NFATC2: variants seen among roughly 807,000 people sequenced by gnomAD.
The protein encoded by NFATC2 is nuclear factor of activated T cells 2.
In NFATC2, 22 loss-of-function variants were observed where a neutral mutation model predicts 87.3. The observed-to-expected ratio is 0.25, with a 90% CI of 0.18 to 0.36. The LOEUF (loss-of-function observed/expected upper bound fraction) is 0.36. Among genes scored for constraint, NFATC2 ranks in the 10% least tolerant of loss-of-function variants. The pLI is 1.00. For missense variants in NFATC2, 1,149 were observed against 1,259.1 expected (o/e 0.91, Z 1.32); for synonymous variants, 565 against 542.2 (o/e 1.04, Z -0.58).
At chr20:51,501,225 A>G (rs1249599552) in intron 3 of NFATC2, among the ~76,000 whole-genome samples, 5 of 152,126 alleles carry the variant, frequency 3.3e-5, no homozygotes, top group African/African-American at 9.7e-5. Context: ...AAACCTGCAA[A>G]TGTGAATGGC....
intron 1 of NFATC2, among the ~76,000 whole-genome samples, chr20:51,529,168 G>A (rs1033496637): frequency 2.6e-5 from 4 of 152,092 alleles, no homozygotes; most frequent in Non-Finnish European, 4.4e-5. Flanking sequence ...AATTCCGGCC[G>A]TATCAGAAGA....
chr20:51,455,554 A>G (rs1986312444), intron 5 of NFATC2, among the ~76,000 whole-genome samples: 1 of 149,780 alleles, frequency 6.7e-6, no homozygotes, highest in Non-Finnish European at 1.5e-5. Flanking sequence ...AGAGCTTTTC[A>G]CTTTCAGATA....
intron 9 of NFATC2, among the ~76,000 whole-genome samples, chr20:51,407,364 G>A (rs558596842): frequency 3.4e-4 from 52 of 152,300 alleles, no homozygotes; most frequent in African/African-American, 1.1e-3. Context: ...TAGGAGGGCC[G>A]GGACTTTGAG....
At chr20:51,547,441 T>C (rs1350891937), upstream of NFATC2, among the ~76,000 whole-genome samples, 2 of 152,120 alleles carry the variant, frequency 1.3e-5, no homozygotes, top group Non-Finnish European at 2.9e-5. Context: ...AAGCTCCTCC[T>C]ACCACCCAAG....
intron 1 of NFATC2, among the ~76,000 whole-genome samples, chr20:51,536,257 C>G (rs1241093838): frequency 6.6e-6 from 1 of 152,188 alleles, no homozygotes; most frequent in Non-Finnish European, 1.5e-5. Context: ...TCAGACAAAG[C>G]TAGAGACAGC....
At position 51,523,828 on chromosome 20, in the gene NFATC2, T is replaced by C; in HGVS notation, c.413A>G (p.Glu138Gly). The change falls in exon 2 of 11, where the codon GAG becomes GGG. Residue 138 changes from glutamate to glycine, a missense_variant. Around this residue, in one of 3 missense-constraint regions of NFATC2, gnomAD observed 563 missense variants for 585.2 expected, o/e 0.96. Coordinates refer to ENST00000371564, the MANE Select transcript of NFATC2 (RefSeq NM_012340.5). The surrounding 1 kb of genome is among the most constrained non-coding windows in gnomAD (Gnocchi z 6.9). ...LRMRDAGLLVEQPPLAGVAAS... is the reference protein window; with the variant it reads ...LRMRDAGLLVGQPPLAGVAAS... ...GGCCACCCCGGCCAGGGGCGGCTGC[T>C]CCACCAGGAGGCCCGCGTCTCTCAT... The C allele has an allele frequency of 6.2e-7, 1 of 1,610,328 alleles. No homozygotes were observed. Among genetic ancestry groups the C allele is most frequent in the Non-Finnish European group, 8.5e-7 (1 of 1,178,380 alleles).
chr20:51,390,915 G>A lies in NFATC2; in HGVS notation c.*581C>T. The A allele has an allele frequency of 4.6e-6, 1 of 218,336 alleles. No homozygotes were observed. Among genetic ancestry groups the A allele is most frequent in the Non-Finnish European group, 9.4e-6 (1 of 106,524 alleles). 13.5% of individuals were successfully genotyped at this position (218,336 alleles called of 1,614,324 possible). ...TTTGGGTTTCTTCAGCCTGTAAGCT[G>A]GGCTCTTGGGTCACGTTCCTTTGGT... On this transcript the variant is annotated 3_prime_UTR_variant, in exon 11 of 11. Coordinates refer to ENST00000371564, the MANE Select transcript of NFATC2 (RefSeq NM_012340.5).
intron 1 of NFATC2, among the ~76,000 whole-genome samples, chr20:51,549,823 C>T (rs1239329387): frequency 2.0e-5 from 3 of 152,212 alleles, no homozygotes; most frequent in South Asian, 2.1e-4. Context: ...CACGGCATTC[C>T]GCACCTGGAA....
chr20:51,553,539 G>A (rs1409116383), intron 1 of NFATC2, among the ~76,000 whole-genome samples: 1 of 152,046 alleles, frequency 6.6e-6, no homozygotes, highest in Non-Finnish European at 1.5e-5. Context: ...GCCGGGCATG[G>A]TGGCAGGTGC....
intron 5 of NFATC2, among the ~76,000 whole-genome samples, chr20:51,455,376 T>C (rs1005056106): frequency 1.3e-5 from 2 of 151,952 alleles, no homozygotes; most frequent in African/African-American, 4.8e-5. Context: ...CCTGCATGTC[T>C]CCCTTCTCCA....
At chr20:51,496,220 A>G (rs2075986293) in intron 3 of NFATC2, among the ~76,000 whole-genome samples, 1 of 152,138 alleles carries the variant, frequency 6.6e-6, no homozygotes. Flanking sequence ...CATTGTTGCC[A>G]GATCTTCTGA....
chr20:51,494,459 G>T lies in NFATC2; in HGVS notation c.1333-18799C>A, dbSNP rs186706860. Among the ~76,000 whole-genome samples the T allele has an allele frequency of 4.8e-4, 73 of 152,186 alleles. 1 individual carries two copies. Among genetic ancestry groups the T allele is most frequent in the African/African-American group, 1.7e-3 (71 of 41,530 alleles). On this transcript the variant is annotated intron_variant, in intron 3 of 10. Transcript: ENST00000371564. ...TTCCCTCACACTTCGCTCTTGAGGGGCTCCCCACTCCTCACCTTTATTTAA... is the reference window on the plus strand; with the variant it reads ...TTCCCTCACACTTCGCTCTTGAGGGTCTCCCCACTCCTCACCTTTATTTAA...
chr20:51,450,941 C>T (rs2146412698), intron 6 of NFATC2, among the ~76,000 whole-genome samples: 1 of 152,358 alleles, frequency 6.6e-6, no homozygotes, highest in South Asian at 2.1e-4. Context: ...TCCACAAATG[C>T]TTAATTGATG....
At chr20:51,405,818 G>C (rs180968114) in intron 9 of NFATC2, among the ~76,000 whole-genome samples, 1 of 152,122 alleles carries the variant, frequency 6.6e-6, no homozygotes, top group African/African-American at 2.4e-5. Context: ...GAATTTTTCC[G>C]ATCAGGTCTG....
chr20:51,471,354 T>C (rs939253609), intron 5 of NFATC2, among the ~76,000 whole-genome samples: 3 of 152,144 alleles, frequency 2.0e-5, no homozygotes, highest in African/African-American at 7.2e-5. Context: ...TCCAAAAACA[T>C]CTTGAGAGGT....
chr20:51,439,073 T>G (rs989421982), intron 6 of NFATC2, among the ~76,000 whole-genome samples: 2 of 152,190 alleles, frequency 1.3e-5, no homozygotes, highest in Admixed American at 1.3e-4. Flanking sequence ...TTCATGCAGA[T>G]GCAGATTTCA....
chr20:51,525,709 C>T (rs1012961662), intron 1 of NFATC2, among the ~76,000 whole-genome samples: 12 of 152,052 alleles, frequency 7.9e-5, no homozygotes, highest in Non-Finnish European at 1.5e-4. Flanking sequence ...CCCATTCCAT[C>T]GCATCCACCC....
At chr20:51,453,949 G>T (rs555806197) in intron 6 of NFATC2, among the ~76,000 whole-genome samples, 11 of 152,286 alleles carry the variant, frequency 7.2e-5, no homozygotes, top group Non-Finnish European at 1.2e-4. Flanking sequence ...TCATGTACAA[G>T]ATTAATTAAT....
chr20:51,540,658 G>T (rs6067816), intron 1 of NFATC2, among the ~76,000 whole-genome samples: 56,394 of 107,162 alleles, frequency 0.53, 14,077 homozygotes, highest in African/African-American at 0.64. Context: ...TTTTTTTTTT[G>T]TTTTTTTTTT....
Sources: allele counts gnomAD v4.1 joint callset (sites outside exome capture counted in the v4.1 genomes callset), GRCh38; gene constraint gnomAD v4.1.1; regional missense constraint gnomAD v4.1.1; non-coding constraint Gnocchi (gnomAD v3.1); transcripts MANE v1.5; gene names NCBI Gene and HGNC (gene_info 2026-07-23, HGNC 2026-07-21).